MAP1B: variants seen among roughly 807,000 people sequenced by gnomAD.
MAP1B encodes the protein microtubule-associated protein 1B.
Under a neutral mutation model 176.1 loss-of-function variants are expected in MAP1B, and 12 were observed. That is an observed-to-expected ratio of 0.07 (90% CI 0.04 to 0.11). MAP1B has a LOEUF of 0.11. Ranked by LOEUF, MAP1B falls within the 10% of genes least tolerant of loss-of-function variation. The probability of loss-of-function intolerance (pLI) is 1.00; values close to 1 mark genes in which losing one functional copy is unlikely to be tolerated. For synonymous variants in MAP1B, 1,044 were observed against 1,135.0 expected (o/e 0.92, Z 1.61); for missense variants, 2,523 against 2,990.5 (o/e 0.84, Z 3.65).
chr5:72,148,722 T>C lies in MAP1B; in HGVS notation c.286+32923T>C, dbSNP rs114779342. Among the ~76,000 whole-genome samples the C allele has an allele frequency of 7.6e-3, 1,152 of 152,370 alleles. 15 individuals are homozygous for C. The highest frequency in any genetic ancestry group is 0.026 in the African/African-American group (1,089 of 41,578). On this transcript the variant is annotated intron_variant, in intron 2 of 6. Transcript: ENST00000296755. ...CGGGAAGGAGGTGTGTTTGCAGTAATGCAGGAGAAGACTCCTTGCTCTTTA... is the reference window on the plus strand; with the variant it reads ...CGGGAAGGAGGTGTGTTTGCAGTAACGCAGGAGAAGACTCCTTGCTCTTTA...
chr5:72,166,681 G>GCGTCTTGTCTTTATGACTATT (rs2112187620), intron 2 of MAP1B, among the ~76,000 whole-genome samples: 2 of 152,336 alleles, frequency 1.3e-5, no homozygotes, highest in African/African-American at 4.8e-5. Flanking sequence ...CAACAGTGAA[G>GCGTCTTGTCTTTATGACTATT]CGTCTTGTCT....
chr5:72,145,316 G>C (rs1242474379), intron 2 of MAP1B, among the ~76,000 whole-genome samples: 1 of 151,544 alleles, frequency 6.6e-6, no homozygotes, highest in Non-Finnish European at 1.5e-5. Context: ...GGAACACAAA[G>C]AAAGAGAATG....
At chr5:72,190,268 T>C (rs1481390950) in intron 4 of MAP1B, among the ~76,000 whole-genome samples, 1 of 152,198 alleles carries the variant, frequency 6.6e-6, no homozygotes, top group Non-Finnish European at 1.5e-5. Context: ...ATTTATATAA[T>C]TTAAGGGCTC....
rs372212021 is a variant in MAP1B at position 72,199,968 on chromosome 5, G to A, written c.6613G>A (p.Val2205Met). ...ACACATGGACCCACCTCCAGCTCCC[G>A]TGCAAGACCGCAGCCCTTCGCCACG... The part of the protein sequence containing the change: ...YKHMDPPPAP[V>M]QDRSPSPRHP... The change falls in exon 5 of 7, where the codon GTG becomes ATG. Residue 2205 changes from valine to methionine, a missense_variant. Transcript: ENST00000296755. This position sits in a 1 kb window ranked among gnomAD's most constrained non-coding sequence, Gnocchi z 4.2. 24 of 1,614,032 alleles carry A rather than the reference G, an allele frequency of 1.5e-5. No individual in the cohort carries two copies. The Middle Eastern group carries it at 4.9e-4, about 33-fold the overall frequency.
chr5:72,109,231 A>T (rs961442663), intron 1 of MAP1B, among the ~76,000 whole-genome samples: 6 of 137,964 alleles, frequency 4.3e-5, no homozygotes, highest in Admixed American at 1.4e-4. Context: ...TTTCCCTTTT[A>T]GCTTAAAAAA....
intron 2 of MAP1B, among the ~76,000 whole-genome samples, chr5:72,131,508 A>T (rs537075723): frequency 2.0e-5 from 3 of 152,214 alleles, no homozygotes; most frequent in African/African-American, 7.2e-5. Flanking sequence ...TATTTTCATA[A>T]GATATTCTTA....
chr5:72,109,504 G>C (rs1044619106), intron 1 of MAP1B, among the ~76,000 whole-genome samples: 4 of 152,146 alleles, frequency 2.6e-5, no homozygotes, highest in African/African-American at 7.2e-5. Flanking sequence ...AAAATTATTT[G>C]TAAGTAGCAT....
chr5:72,129,896 C>T (rs1475893408), intron 2 of MAP1B, among the ~76,000 whole-genome samples: 2 of 152,088 alleles, frequency 1.3e-5, no homozygotes, highest in Non-Finnish European at 2.9e-5. Flanking sequence ...TATTGTTTTA[C>T]ACATAGAACA....
intron 2 of MAP1B, among the ~76,000 whole-genome samples, chr5:72,143,519 T>TA (rs1745987569): frequency 6.6e-6 from 1 of 152,222 alleles, no homozygotes; most frequent in African/African-American, 2.4e-5. Context: ...TTTTAATTCA[T>TA]ATGTCTTTTA....
chr5:72,171,816 G>A (rs576944275), intron 2 of MAP1B, among the ~76,000 whole-genome samples: 6 of 152,282 alleles, frequency 3.9e-5, no homozygotes, highest in South Asian at 4.2e-4. Flanking sequence ...ACTGGGAACC[G>A]GGTGTGCTGT....
At chr5:72,187,260 G>A (rs1746928081) in intron 4 of MAP1B, among the ~76,000 whole-genome samples, 2 of 152,338 alleles carry the variant, frequency 1.3e-5, no homozygotes, top group Admixed American at 1.3e-4. Flanking sequence ...GGGCACGTCT[G>A]TGACCCAAGA....
intron 2 of MAP1B, among the ~76,000 whole-genome samples, chr5:72,122,384 AAGG>A (rs1406492316): frequency 3.3e-5 from 5 of 152,138 alleles, no homozygotes; most frequent in African/African-American, 7.2e-5. Context: ...CAGACCTTCC[AAGG>A]AGAAGATTAG....
Position 72,196,054 on chromosome 5 carries a change from A to G in MAP1B, c.2699A>G (p.Glu900Gly). The change falls in exon 5 of 7, where the codon GAA becomes GGA. Residue 900 changes from glutamate (E) to glycine (G), a missense_variant. Glu to Gly is a moderately conservative substitution (Grantham distance 98). Coordinates refer to ENST00000296755, the MANE Select transcript of MAP1B (RefSeq NM_005909.5). The surrounding 1 kb of genome is among the most constrained non-coding windows in gnomAD (Gnocchi z 5.3). ...ESPDEGITTT[E>G]GEGECEQTPE... ...CCTGATGAGGGAATCACTACCACTG[A>G]AGGGGAGGGCGAATGTGAACAGACA... 6.2e-7 allele frequency: 1 copy of G among 1,614,166 alleles called. No homozygotes were observed. The highest frequency in any genetic ancestry group is 2.2e-5 in the East Asian group (1 of 44,882).
intron 2 of MAP1B, among the ~76,000 whole-genome samples, chr5:72,163,867 C>T (rs185663374): frequency 3.3e-5 from 5 of 149,800 alleles, no homozygotes; most frequent in African/African-American, 9.7e-5. Flanking sequence ...CCCTGTGTTA[C>T]AGGCTATATG....
At position 72,194,797 on chromosome 5, in the gene MAP1B, C is replaced by G. The variant is rs200914093; in HGVS notation, c.1442C>G (p.Ala481Gly). ...SLIVWHPANP[A>G]EKIIRVLFPG... is the part of the protein sequence containing the mutation. ...ATTGTGTGGCATCCAGCAAACCCTGCGGAGAAAATCATCCGAGTCCTGTTT... is the reference window on the plus strand; with the variant it reads ...ATTGTGTGGCATCCAGCAAACCCTGGGGAGAAAATCATCCGAGTCCTGTTT... Residue 481 changes from alanine (A) to glycine (G), a missense_variant, in exon 5 of 7, where the codon GCG becomes GGG. By Grantham distance (60) the Ala-to-Gly change is moderately conservative. Coordinates refer to ENST00000296755, the MANE Select transcript of MAP1B (RefSeq NM_005909.5). This position sits in a 1 kb window ranked among gnomAD's most constrained non-coding sequence, Gnocchi z 7.2. 1 of 1,614,150 alleles carries G rather than the reference C, an allele frequency of 6.2e-7. No individual in the cohort carries two copies. Among genetic ancestry groups the G allele is most frequent in the Non-Finnish European group, 8.5e-7 (1 of 1,180,028 alleles).
chr5:72,175,261 C>T (rs1746630203), intron 2 of MAP1B, among the ~76,000 whole-genome samples: 1 of 151,972 alleles, frequency 6.6e-6, no homozygotes, highest in African/African-American at 2.4e-5. Context: ...GATGGAGTTT[C>T]ACCATATTGC....
chr5:72,182,503 T>C (rs928693628), intron 2 of MAP1B, among the ~76,000 whole-genome samples: 1 of 152,240 alleles, frequency 6.6e-6, no homozygotes, highest in Non-Finnish European at 1.5e-5. Context: ...GTCTTACCAT[T>C]TGGCCATTGT....
rs1264487666 is a variant in MAP1B at position 72,195,138 on chromosome 5, A to G, written c.1783A>G (p.Lys595Glu). 6.2e-7 allele frequency: 1 copy of G among 1,613,606 alleles called. No individual in the cohort carries two copies. Among genetic ancestry groups the G allele is most frequent in the African/African-American group, 1.3e-5 (1 of 74,878 alleles). Residue 595 changes from lysine (K) to glutamate (E), a missense_variant, in exon 5 of 7, where the codon AAA (lysine) becomes GAA (glutamate). Transcript: ENST00000296755. ...AATGGTGAAAAAAGACAAGCCAATA[A>G]AAACAGAGACCAAACCTTCAGTGAC... is the stretch of plus-strand genomic sequence containing the variant. ...KVMVKKDKPIKTETKPSVTEK... is the reference protein window; with the variant it reads ...KVMVKKDKPIETETKPSVTEK...
chr5:72,175,503 G>A (rs1746635422), intron 2 of MAP1B, among the ~76,000 whole-genome samples: 1 of 152,140 alleles, frequency 6.6e-6, no homozygotes, highest in Non-Finnish European at 1.5e-5. Context: ...CACCATCTAC[G>A]TTATTTATTT....
Sources: allele counts gnomAD v4.1 joint callset (sites outside exome capture counted in the v4.1 genomes callset), GRCh38; gene constraint gnomAD v4.1.1; non-coding constraint Gnocchi (gnomAD v3.1); transcripts MANE v1.5; gene names NCBI Gene and HGNC (gene_info 2026-07-23, HGNC 2026-07-21).